The following MEIS3 variants were observed in gnomAD, a reference collection of about 807,000 sequenced individuals.
MEIS3 encodes homeobox protein Meis3.
MEIS3 carries 38 observed loss-of-function variants against 51.4 expected under a neutral mutation model. The ratio of observed to expected loss-of-function variants is 0.74; its 90% CI spans 0.57 to 0.97. The LOEUF is 0.97. Among genes scored for constraint, MEIS3 ranks in the 50% least tolerant of loss-of-function variants. The pLI is 0.00. For missense variants in MEIS3, 456 were observed against 502.6 expected (o/e 0.91, Z 0.89); for synonymous variants, 198 against 201.8 (o/e 0.98, Z 0.16).
At position 47,407,479 on chromosome 19, in the gene MEIS3, A is replaced by G. The variant is rs780260479; in HGVS notation, c.859-51T>C. On this transcript the variant is annotated intron_variant, in intron 8 of 12. Coordinates refer to ENST00000558555, the MANE Select transcript of MEIS3 (RefSeq NM_001301059.2). Reference sequence around the variant, plus strand: ...TGCCTGCCTGGCCGGCCGCAGTCTGAACCCCAAGGTCTGGCCCACCGGGGT... The same window carrying G: ...TGCCTGCCTGGCCGGCCGCAGTCTGGACCCCAAGGTCTGGCCCACCGGGGT... The G allele has an allele frequency of 3.1e-6, 5 of 1,613,224 alleles. No homozygotes were observed. The East Asian group carries it at 1.1e-4, about 36-fold the overall frequency.
rs564089537 is a variant in MEIS3, at chr19:47,417,365, G to A, written c.13-15C>T. On this transcript the variant is annotated splice_polypyrimidine_tract_variant and intron_variant, in intron 1 of 12. Coordinates refer to ENST00000558555, the MANE Select transcript of MEIS3 (RefSeq NM_001301059.2). ...AGCTCATCATACTGGGGGAAGGTGA[G>A]AAGAGAAGGGCGGAGCCCCAGGGAG... 3.7e-6 allele frequency: 6 copies of A among 1,613,034 alleles called. No individual in the cohort carries two copies. In the South Asian group the frequency reaches 5.5e-5, roughly 15 times the overall value.
chr19:47,407,682 CTG>C (rs1970915969), intron 8 of MEIS3: 2 of 822,084 alleles, frequency 2.4e-6, no homozygotes, highest in Non-Finnish European at 3.4e-6. Context: ...ATTAGAGAGA[CTG>C]TGTTGGGGGA....
At position 47,411,844 on chromosome 19, in the gene MEIS3, C is replaced by CT. The variant is rs1005107429; in HGVS notation, c.598-2298dup. Among the ~76,000 whole-genome samples, 357 of 148,518 alleles carry CT rather than the reference C, an allele frequency of 2.4e-3. 1 individual carries two copies. Among genetic ancestry groups the CT allele is most frequent in the African/African-American group, 8.1e-3 (330 of 40,576 alleles). On this transcript the variant is annotated intron_variant, in intron 6 of 12. Transcript: ENST00000558555. ...TGTGAGCCACCGTGCCCGGCCTTATCTTTTTTTTTTCTTTGAAGAGACAGA... is the reference window on the plus strand; with the variant it reads ...TGTGAGCCACCGTGCCCGGCCTTATCTTTTTTTTTTTCTTTGAAGAGACAGA...
chr19:47,417,273 T>C lies in MEIS3; in HGVS notation c.90A>G (p.Ala30=). ...ALASFPETVP[A]VPGPYGPHRP... is the part of the protein sequence containing the mutation. ...GGTGCGGGCCATAGGGCCCTGGTAC[T>C]GCGGGCACTGTCTCTGGGAAGCTAG... The change falls in exon 2 of 13, where the codon GCA becomes GCG. Residue 30 remains alanine, a synonymous_variant. Coordinates refer to ENST00000558555, the MANE Select transcript of MEIS3 (RefSeq NM_001301059.2). The C allele has an allele frequency of 6.2e-7, 1 of 1,613,238 alleles. No individual in the cohort carries two copies. The highest frequency in any genetic ancestry group is 8.5e-7 in the Non-Finnish European group (1 of 1,179,630).
intron 11 of MEIS3, 133 bp downstream of exon 11, chr19:47,406,755 T>G: frequency 5.4e-6 from 5 of 921,214 alleles, no homozygotes; most frequent in Non-Finnish European, 8.0e-6. Flanking sequence ...AAATCTGCCT[T>G]GGCATCACCT....
upstream of MEIS3, among the ~76,000 whole-genome samples, chr19:47,420,961 C>CTCTCTCTT (rs1971696249): frequency 6.9e-6 from 1 of 144,192 alleles, no homozygotes; most frequent in East Asian, 2.0e-4. Flanking sequence ...CTCTCTCTCT[C>CTCTCTCTT]TCTCTCTCTC....
At chr19:47,410,434 C>CAT (rs1006152217) in intron 6 of MEIS3, among the ~76,000 whole-genome samples, 6 of 115,352 alleles carry the variant, frequency 5.2e-5, no homozygotes, top group Admixed American at 4.0e-4. Context: ...GCCGGGGTGA[C>CAT]AAAGTGAGAC....
rs761325193 is a variant in MEIS3 at position 47,414,781 on chromosome 19, C to G, written c.533G>C (p.Arg178Pro). 1.2e-6 allele frequency: 2 copies of G among 1,613,536 alleles called. No homozygotes were observed. Among genetic ancestry groups the G allele is most frequent in the Non-Finnish European group, 1.7e-6 (2 of 1,179,948 alleles). Residue 178 changes from arginine (R) to proline (P), a missense_variant, in exon 6 of 13, where the codon CGG becomes CCG. Transcript: ENST00000558555. ...GAAGTCCTCCCTGCAGCCGCCGTCC[C>G]GATCCTCGATGACCAGGTCGATGGG... ...KMPIDLVIED[R>P]DGGCREDFED... is the part of the protein sequence containing the mutation.
intron 6 of MEIS3, among the ~76,000 whole-genome samples, chr19:47,413,505 TGAA>T (rs1971241628): frequency 6.6e-6 from 1 of 151,974 alleles, no homozygotes; most frequent in South Asian, 2.1e-4. Flanking sequence ...GCGTGTGCTG[TGAA>T]GATGTCATTG....
At chr19:47,406,849 TGC>T (rs1568419358) in intron 11 of MEIS3, 37 bp downstream of exon 11, 1 of 1,521,760 alleles carries the variant, frequency 6.6e-7, no homozygotes, top group East Asian at 2.4e-5. Context: ...TGGGTCATGG[TGC>T]GCAGGGGCGG....
chr19:47,420,419 T>C (rs1008854438), upstream of MEIS3, among the ~76,000 whole-genome samples: 1 of 71,262 alleles, frequency 1.4e-5, no homozygotes, highest in African/African-American at 5.8e-5. Context: ...CGGCCAGTGG[T>C]GGGGGGCGTG....
chr19:47,409,117 C>T lies in MEIS3; in HGVS notation c.840G>A (p.Trp280Ter), dbSNP rs765170583. Residue 280 changes from tryptophan to a stop codon, truncating the protein, a stop_gained, in exon 8 of 13, where the codon TGG (tryptophan) becomes TGA (stop). Coordinates refer to ENST00000558555, the MANE Select transcript of MEIS3 (RefSeq NM_001301059.2). LOFTEE classifies it high-confidence loss of function. ...CTCTCACCGAGAGGTGCTGGAACAA[C>T]CAGGCTCGCATGATGTTGGTGGCCA... ...PKVATNIMRA[W>*]LFQHLSHPYP... The T allele has an allele frequency of 1.9e-6, 3 of 1,611,020 alleles. No homozygotes were observed. The East Asian group carries it at 6.7e-5, about 36-fold the overall frequency.
At chr19:47,420,521 C>T (rs1217538616), upstream of MEIS3, among the ~76,000 whole-genome samples, 1 of 135,058 alleles carries the variant, frequency 7.4e-6, no homozygotes, top group Non-Finnish European at 1.5e-5. Flanking sequence ...CGGTGTGATT[C>T]AGAGAGAGAG....
rs1370058164 is a variant in MEIS3, at chr19:47,419,360, C to G, written c.-279G>C. ...GCAGGCGCAGGCGGGGCGCCCGAGGCCCCCTCCTCTGGGCCCCCCCCGTCC... is the reference window on the plus strand; with the variant it reads ...GCAGGCGCAGGCGGGGCGCCCGAGGGCCCCTCCTCTGGGCCCCCCCCGTCC... On this transcript the variant is annotated 5_prime_UTR_variant, in exon 1 of 13. Coordinates refer to ENST00000558555, the MANE Select transcript of MEIS3 (RefSeq NM_001301059.2). 1 of 159,566 alleles carries G rather than the reference C, an allele frequency of 6.3e-6. No individual in the cohort carries two copies. 9.9% of individuals were successfully genotyped at this position (159,566 alleles called of 1,614,324 possible).
intron 8 of MEIS3, among the ~76,000 whole-genome samples, chr19:47,408,341 C>T (rs1007719887): frequency 2.0e-5 from 3 of 151,912 alleles, no homozygotes; most frequent in Non-Finnish European, 4.4e-5. Context: ...AGGCTGGTCT[C>T]GAACTCCTGG....
chr19:47,420,646 G>A (rs1260860930), upstream of MEIS3, among the ~76,000 whole-genome samples: 1 of 151,466 alleles, frequency 6.6e-6, no homozygotes, highest in African/African-American at 2.4e-5. Flanking sequence ...CCCTGGAGTC[G>A]TCCCTGCCAC....
intron 6 of MEIS3, among the ~76,000 whole-genome samples, chr19:47,411,439 C>T (rs1471507680): frequency 6.6e-6 from 1 of 152,128 alleles, no homozygotes; most frequent in Non-Finnish European, 1.5e-5. Flanking sequence ...AATGAGTTTG[C>T]ACTAAATTTA....
chr19:47,417,894 ATG>A (rs1364282919), intron 1 of MEIS3: 3 of 585,840 alleles, frequency 5.1e-6, no homozygotes, highest in East Asian at 2.8e-5. Flanking sequence ...GTGCACACTC[ATG>A]TGTCAGTCAC....
chr19:47,406,177 T>G, intron 12 of MEIS3: 1 of 322,510 alleles, frequency 3.1e-6, no homozygotes, highest in South Asian at 5.4e-5. Context: ...TAGGTTTGGA[T>G]GGATGGATTG....
Sources: allele counts gnomAD v4.1 joint callset (sites outside exome capture counted in the v4.1 genomes callset), GRCh38; gene constraint gnomAD v4.1.1; transcripts MANE v1.5; gene names NCBI Gene and HGNC (gene_info 2026-07-23, HGNC 2026-07-21).